MYH9: variants seen among roughly 807,000 people sequenced by gnomAD.
The protein encoded by MYH9 is myosin heavy chain 9.
MYH9 carries 29 observed loss-of-function variants against 241.9 expected under a neutral mutation model. The observed-to-expected ratio is 0.12, with a 90% CI of 0.09 to 0.16. The LOEUF (loss-of-function observed/expected upper bound fraction) is 0.16. MYH9 is among the 10% of genes least tolerant of loss of function. The pLI, the probability that MYH9 is intolerant of heterozygous loss-of-function variation, is 1.00. For missense variants in MYH9, 1,803 were observed against 2,595.5 expected, an observed-to-expected ratio of 0.69 and a Z score of 6.63; for synonymous variants, 1,047 against 1,062.6, an observed-to-expected ratio of 0.99 and a Z score of 0.29.
At chr22:36,284,354 C>T (rs1205906628) in intron 39 of MYH9, 49 bp downstream of exon 39, 1 of 1,607,286 alleles carries the variant, frequency 6.2e-7, no homozygotes, top group Admixed American at 1.7e-5. Context: ...GTCACCCCAT[C>T]TGCTGCCCAG....
chr22:36,283,823 T>C (rs1229341685), intron 40 of MYH9, among the ~76,000 whole-genome samples: 1 of 152,240 alleles, frequency 6.6e-6, no homozygotes, highest in Non-Finnish European at 1.5e-5. Context: ...ACCTAACATG[T>C]GCCAGGACTG....
intron 9 of MYH9, 64 bp from the exon 10 acceptor site, chr22:36,319,699 G>A (rs2017219146): frequency 6.6e-7 from 1 of 1,506,234 alleles, no homozygotes; most frequent in Non-Finnish European, 9.2e-7. Context: ...CGGGGGTGGG[G>A]GCCACTCATC....
chr22:36,322,565 G>C (rs1160524317), intron 5 of MYH9, 44 bp from the exon 6 acceptor site: 5 of 1,586,110 alleles, frequency 3.2e-6, no homozygotes, highest in Non-Finnish European at 4.3e-6. Context: ...GCAGCGACCT[G>C]GGCTGCCGAG....
chr22:36,374,532 T>A (rs943364493), intron 1 of MYH9, among the ~76,000 whole-genome samples: 7 of 152,102 alleles, frequency 4.6e-5, no homozygotes, highest in African/African-American at 1.7e-4. Context: ...ATAATAATAA[T>A]AAATAAAAAC....
At chr22:36,348,850 C>T (rs900566031) in intron 2 of MYH9, 54 bp downstream of exon 2, 16 of 1,092,416 alleles carry the variant, frequency 1.5e-5, no homozygotes, top group Non-Finnish European at 2.0e-5. Flanking sequence ...CGCCCCCCCC[C>T]CCCACCTCGG....
intron 24 of MYH9, 159 bp from the exon 25 acceptor site, chr22:36,297,173 G>A: frequency 1.3e-6 from 1 of 794,762 alleles, no homozygotes; most frequent in Middle Eastern, 3.1e-4. Context: ...GATGCAGGAA[G>A]AGGACATCAC....
Position 36,300,219 on chromosome 22 carries a change from G to A in MYH9, c.2884C>T (p.Leu962=), listed in dbSNP as rs1380921686. 2 of 1,613,368 alleles carry A rather than the reference G, an allele frequency of 1.2e-6. No individual in the cohort carries two copies. Among genetic ancestry groups the A allele is most frequent in the Non-Finnish European group, 1.7e-6 (2 of 1,179,996 alleles). Residue 962 remains leucine (L), a synonymous_variant, in exon 23 of 41, where the codon CTG becomes TTG. Transcript: ENST00000216181. This position sits in a 1 kb window ranked among gnomAD's most constrained non-coding sequence, Gnocchi z 5.0. ...TCGGTGGTCACCTTCTCCAGCTGCA[G>A]CTTCTGCCGGGCGCTCTCCTCCTCC... ...LEEEESARQK[L]QLEKVTTEAK... is the part of the protein sequence containing the mutation.
chr22:36,377,303 A>G (rs2018184350), intron 1 of MYH9, among the ~76,000 whole-genome samples: 1 of 152,202 alleles, frequency 6.6e-6, no homozygotes, highest in South Asian at 2.1e-4. Context: ...TTTATCTGAC[A>G]GGAAGCTGCC....
At chr22:36,294,903 C>A in intron 27 of MYH9, 29 bp downstream of exon 27, 2 of 1,608,570 alleles carry the variant, frequency 1.2e-6, no homozygotes, top group East Asian at 2.2e-5. Flanking sequence ...ACCCTGCCCT[C>A]CCCCTGCGGT....
intron 1 of MYH9, among the ~76,000 whole-genome samples, chr22:36,368,594 G>C (rs1007550212): frequency 6.6e-6 from 1 of 152,176 alleles, no homozygotes; most frequent in East Asian, 1.9e-4. Context: ...ACCAGTATCT[G>C]TCCTCCTGTC....
chr22:36,340,945 C>G (rs989260714), intron 3 of MYH9, among the ~76,000 whole-genome samples: 1 of 152,006 alleles, frequency 6.6e-6, no homozygotes, highest in African/African-American at 2.4e-5. Flanking sequence ...GCAGAAGCCA[C>G]CCGAGGCTCT....
chr22:36,300,919 C>A lies in MYH9; in HGVS notation c.2770G>T (p.Val924Leu), dbSNP rs540698347. 6.2e-7 allele frequency: 1 copy of A among 1,608,836 alleles called. No individual in the cohort carries two copies. Among genetic ancestry groups the A allele is most frequent in the Non-Finnish European group, 8.5e-7 (1 of 1,180,020 alleles). Residue 924 changes from valine to leucine, a missense_variant, in exon 22 of 41, where the codon GTG becomes TTG. By Grantham distance (32) the Val-to-Leu change is conservative. Transcript: ENST00000216181. The surrounding 1 kb of genome is among the most constrained non-coding windows in gnomAD (Gnocchi z 5.0). ...TGGCAGCGCTCCTCCTCCTCCTCCA[C>A]CCTGGCCTCTAGGTCATGGCAGATC... Reference protein sequence around the residue: ...EEICHDLEARVEEEEERCQHL... With the variant: ...EEICHDLEARLEEEEERCQHL...
At chr22:36,377,110 G>A (rs1339975052) in intron 1 of MYH9, among the ~76,000 whole-genome samples, 1 of 151,666 alleles carries the variant, frequency 6.6e-6, no homozygotes, top group Non-Finnish European at 1.5e-5. Flanking sequence ...CCCCATTTGT[G>A]CAATAAGGAC....
chr22:36,357,345 G>A (rs563138800), intron 1 of MYH9, among the ~76,000 whole-genome samples: 3 of 152,306 alleles, frequency 2.0e-5, no homozygotes, highest in African/African-American at 7.2e-5. Flanking sequence ...CAACGTACAG[G>A]AAGAAGGTAC....
rs530011373 is a variant in MYH9, at chr22:36,322,105, T to C, written c.706-284A>G. Among the ~76,000 whole-genome samples, 13 of 152,336 alleles carry C rather than the reference T, an allele frequency of 8.5e-5. No individual in the cohort carries two copies. The South Asian group carries it at 2.7e-3, about 32-fold the overall frequency. ...GAAAGAGACCAGTTATGTGGAAGTG[T>C]TCCTCTCTGCCTGACCCGGGAACTA... On this transcript the variant is annotated intron_variant, in intron 6 of 40. Coordinates refer to ENST00000216181, the MANE Select transcript of MYH9 (RefSeq NM_002473.6).
chr22:36,302,380 G>A (rs779061196), intron 20 of MYH9, 188 bp downstream of exon 20: 2 of 569,064 alleles, frequency 3.5e-6, no homozygotes, highest in Non-Finnish European at 6.5e-6. Flanking sequence ...GGGCACAGTG[G>A]CTCATGCCTG....
intron 25 of MYH9, among the ~76,000 whole-genome samples, chr22:36,296,397 C>T (rs892731364): frequency 1.3e-5 from 2 of 152,002 alleles, no homozygotes; most frequent in Admixed American, 1.3e-4. Context: ...ACCACACTGG[C>T]GAATTTTTTA....
At position 36,300,767 on chromosome 22, in the gene MYH9, T is replaced by G; in HGVS notation, c.2838+84A>C. 8.0e-6 allele frequency: 12 copies of G among 1,501,242 alleles called. No individual in the cohort carries two copies. Among genetic ancestry groups the G allele is most frequent in the Non-Finnish European group, 1.1e-5 (12 of 1,095,724 alleles). 93.0% of individuals were successfully genotyped at this position (1,501,242 alleles called of 1,614,324 possible). ...GCAGCCTCCTTGGACCCTAATTCCA[T>G]GTTCTCCCAGCTCCTGGTTCCTGCT... On this transcript the variant is annotated intron_variant, in intron 22 of 40. Coordinates refer to ENST00000216181, the MANE Select transcript of MYH9 (RefSeq NM_002473.6). This position sits in a 1 kb window ranked among gnomAD's most constrained non-coding sequence, Gnocchi z 5.0.
At position 36,288,619 on chromosome 22, in the gene MYH9, G is replaced by A; in HGVS notation, c.4770+108C>T. On this transcript the variant is annotated intron_variant, in intron 33 of 40. Coordinates refer to ENST00000216181, the MANE Select transcript of MYH9 (RefSeq NM_002473.6). The surrounding 1 kb of genome is among the most constrained non-coding windows in gnomAD (Gnocchi z 4.8). ...AGAAAGAAGGAATATGGGAGGGGAG[G>A]CGTGGTCAAGGGGCCCTAACACAAT... 7.2e-7 allele frequency: 1 copy of A among 1,391,090 alleles called. No individual in the cohort carries two copies. The allele number at this position is 1,391,090 out of a possible 1,614,324, so 86.2% of individuals were successfully genotyped here.
Sources: allele counts gnomAD v4.1 joint callset (sites outside exome capture counted in the v4.1 genomes callset), GRCh38; gene constraint gnomAD v4.1.1; non-coding constraint Gnocchi (gnomAD v3.1); transcripts MANE v1.5; gene names NCBI Gene and HGNC (gene_info 2026-07-23, HGNC 2026-07-21).